PRKAG2: variants seen among roughly 807,000 people sequenced by gnomAD.
PRKAG2 encodes the protein protein kinase AMP-activated non-catalytic subunit gamma 2, also known as 5'-AMP-activated protein kinase subunit gamma-2.
A neutral mutation model predicts 69.6 loss-of-function variants in PRKAG2; 26 were observed. The observed-to-expected ratio is 0.37, with a 90% CI of 0.27 to 0.52. PRKAG2 has a LOEUF of 0.52. Ranked by LOEUF, PRKAG2 falls within the 20% of genes least tolerant of loss-of-function variation. The probability of loss-of-function intolerance (pLI) is 0.90; values close to 1 mark genes in which losing one functional copy is unlikely to be tolerated. For missense variants in PRKAG2, 557 were observed against 740.0 expected (o/e 0.75, Z 2.87); for synonymous variants, 293 against 285.0 (o/e 1.03, Z -0.28).
chr7:151,654,266 G>T (rs1298773634), intron 4 of PRKAG2, among the ~76,000 whole-genome samples: 1 of 152,180 alleles, frequency 6.6e-6, no homozygotes, highest in Non-Finnish European at 1.5e-5. Flanking sequence ...GACGAGGCTT[G>T]CAGCAAGCCA....
chr7:151,649,411 C>A (rs1828096635), intron 4 of PRKAG2, among the ~76,000 whole-genome samples: 1 of 152,156 alleles, frequency 6.6e-6, no homozygotes, highest in Non-Finnish European at 1.5e-5. Flanking sequence ...CAGGTGTGAA[C>A]CACCGTGCCT....
At chr7:151,797,810 G>A (rs753518999) in intron 1 of PRKAG2, among the ~76,000 whole-genome samples, 4 of 152,136 alleles carry the variant, frequency 2.6e-5, no homozygotes, top group Non-Finnish European at 5.9e-5. Context: ...ATCCCGGGGT[G>A]AGCCGGCCAC....
rs985409335 is a variant in PRKAG2 at position 151,827,482 on chromosome 7, G to A, written c.115-40941C>T. Among the ~76,000 whole-genome samples the A allele has an allele frequency of 4.0e-5, 6 of 151,868 alleles. No homozygotes were observed. In the South Asian group the frequency reaches 6.2e-4, roughly 16 times the overall value. On this transcript the variant is annotated intron_variant, in intron 1 of 15. Transcript: ENST00000287878. ...TCGAACTCCTGACCTCAAGGGATCCGCCCACCTTGGCCTCCCAAAGTGCTG... is the reference window on the plus strand; with the variant it reads ...TCGAACTCCTGACCTCAAGGGATCCACCCACCTTGGCCTCCCAAAGTGCTG...
At chr7:151,676,085 A>G (rs1479264030) in intron 3 of PRKAG2, among the ~76,000 whole-genome samples, 1 of 152,062 alleles carries the variant, frequency 6.6e-6, no homozygotes, top group Non-Finnish European at 1.5e-5. Flanking sequence ...CCATTCAGCC[A>G]AATATCATTT....
chr7:151,830,668 G>T (rs1420697396), intron 1 of PRKAG2, among the ~76,000 whole-genome samples: 1 of 150,868 alleles, frequency 6.6e-6, no homozygotes, highest in East Asian at 2.0e-4. Context: ...GGGGCGGGGG[G>T]AAGAGGAACC....
chr7:151,795,159 A>G (rs1422820753), intron 1 of PRKAG2, among the ~76,000 whole-genome samples: 1 of 152,100 alleles, frequency 6.6e-6, no homozygotes, highest in Non-Finnish European at 1.5e-5. Flanking sequence ...GATCCCCCAG[A>G]AGGAGGGAGA....
chr7:151,628,086 T>C (rs774121430), intron 5 of PRKAG2, among the ~76,000 whole-genome samples: 23 of 152,216 alleles, frequency 1.5e-4, no homozygotes, highest in Admixed American at 1.3e-4. Context: ...AGACACTCTC[T>C]GCTAAGAAGC....
intron 15 of PRKAG2, chr7:151,560,091 T>C: frequency 4.1e-6 from 4 of 984,770 alleles, no homozygotes; most frequent in Non-Finnish European, 4.8e-6. Flanking sequence ...AAAGTTTGTG[T>C]TTAGGTATTC....
intron 5 of PRKAG2, among the ~76,000 whole-genome samples, chr7:151,628,684 T>G (rs1024481266): frequency 6.7e-6 from 1 of 149,692 alleles, no homozygotes; most frequent in Non-Finnish European, 1.5e-5. Context: ...TCACCCCAGG[T>G]AAGAGTGAGA....
At position 151,585,352 on chromosome 7, in the gene PRKAG2, G is replaced by A. The variant is rs147880692; in HGVS notation, c.865-8900C>T. 1.4e-3 allele frequency among the ~76,000 whole-genome samples: 220 copies of A among 152,270 alleles called. 1 individual carries two copies. The highest frequency in any genetic ancestry group is 5.2e-3 in the African/African-American group (216 of 41,538). ...TTCAACGGCTCAACAGGTTGTTTCT[G>A]TGGAATATGACAAGAGTAAGGCACA... On this transcript the variant is annotated intron_variant, in intron 6 of 15. Coordinates refer to ENST00000287878, the MANE Select transcript of PRKAG2 (RefSeq NM_016203.4).
In PRKAG2 at chr7:151,828,777, A is replaced by G. The variant is rs190403734; in HGVS notation, c.115-42236T>C. Reference sequence around the variant, plus strand: ...CTTTACAAAAAAAAAAAAAACTTTAAAAGTCAGTGGGGCATGGTGGCTACT... The same window carrying G: ...CTTTACAAAAAAAAAAAAAACTTTAGAAGTCAGTGGGGCATGGTGGCTACT... On this transcript the variant is annotated intron_variant, in intron 1 of 15. Transcript: ENST00000287878. This position sits in a 1 kb window ranked among gnomAD's most constrained non-coding sequence, Gnocchi z 4.6. Among the ~76,000 whole-genome samples, 10 of 152,160 alleles carry G rather than the reference A, an allele frequency of 6.6e-5. No individual in the cohort carries two copies. The highest frequency in any genetic ancestry group is 3.4e-3 in the Middle Eastern group (1 of 294).
chr7:151,663,770 C>T (rs1830651641), intron 4 of PRKAG2, among the ~76,000 whole-genome samples: 1 of 152,228 alleles, frequency 6.6e-6, no homozygotes, highest in Non-Finnish European at 1.5e-5. Context: ...AGGCAAAGCA[C>T]TACTGTTTGT....
intron 3 of PRKAG2, among the ~76,000 whole-genome samples, chr7:151,728,165 G>A (rs56995564): frequency 0.02 from 2,973 of 152,222 alleles, 153 homozygotes; most frequent in East Asian, 0.16. Context: ...CCGGAGGCCA[G>A]CAGTCCCCAG....
intron 4 of PRKAG2, among the ~76,000 whole-genome samples, chr7:151,646,065 T>A (rs570717054): frequency 6.6e-6 from 1 of 152,242 alleles, no homozygotes; most frequent in Non-Finnish European, 1.5e-5. Context: ...TTTATATCTA[T>A]ACTTTCATCA....
intron 5 of PRKAG2, 92 bp downstream of exon 5, chr7:151,631,977 C>T (rs1027963750): frequency 9.0e-7 from 1 of 1,107,316 alleles, no homozygotes; most frequent in Non-Finnish European, 1.1e-6. Context: ...TGGGGCAGCG[C>T]CGGAGATGGG....
intron 4 of PRKAG2, among the ~76,000 whole-genome samples, chr7:151,634,628 A>C (rs1825411881): frequency 6.6e-6 from 1 of 152,258 alleles, no homozygotes; most frequent in Non-Finnish European, 1.5e-5. Context: ...AATAAAATAA[A>C]AATGTCTGGA....
intron 4 of PRKAG2, among the ~76,000 whole-genome samples, chr7:151,649,442 G>T (rs1355439234): frequency 1.3e-5 from 2 of 152,176 alleles, no homozygotes; most frequent in African/African-American, 2.4e-5. Context: ...GCATTTTTAA[G>T]TTGCAAGTAA....
chr7:151,665,985 T>C (rs375275017), intron 4 of PRKAG2, among the ~76,000 whole-genome samples: 2 of 152,218 alleles, frequency 1.3e-5, no homozygotes, highest in East Asian at 3.8e-4. Flanking sequence ...GGAGACTGAC[T>C]GAATGGCAAA....
chr7:151,724,514 C>G (rs1797611673), intron 3 of PRKAG2, among the ~76,000 whole-genome samples: 1 of 152,046 alleles, frequency 6.6e-6, no homozygotes, highest in Non-Finnish European at 1.5e-5. Context: ...GCTCAGAGCC[C>G]GAGGATGGGA....
Sources: allele counts gnomAD v4.1 joint callset (sites outside exome capture counted in the v4.1 genomes callset), GRCh38; gene constraint gnomAD v4.1.1; non-coding constraint Gnocchi (gnomAD v3.1); transcripts MANE v1.5; gene names NCBI Gene and HGNC (gene_info 2026-07-23, HGNC 2026-07-21).